Variants in CPNE2 observed in about 807,000 individuals in gnomAD.
CPNE2 encodes copine-2.
A neutral mutation model predicts 69.7 loss-of-function variants in CPNE2; 42 were observed. The ratio of observed to expected loss-of-function variants is 0.60; its 90% CI spans 0.47 to 0.78. CPNE2 has a LOEUF of 0.78. Among genes scored for constraint, CPNE2 ranks in the 30% least tolerant of loss-of-function variants. CPNE2 has a pLI of 0.00. For synonymous variants in CPNE2, 294 were observed against 289.8 expected, an observed-to-expected ratio of 1.01 and a Z score of -0.15; for missense variants, 587 against 732.0, an observed-to-expected ratio of 0.80 and a Z score of 2.29.
chr16:57,134,943 A>G, intron 13 of CPNE2, 117 bp downstream of exon 13: 1 of 1,124,286 alleles, frequency 8.9e-7, no homozygotes, highest in Non-Finnish European at 1.3e-6. Flanking sequence ...CCTCCCCCTT[A>G]CTGTTGCTCA....
chr16:57,096,159 C>A (rs2069577060), intron 1 of CPNE2, among the ~76,000 whole-genome samples: 1 of 152,174 alleles, frequency 6.6e-6, no homozygotes, highest in Non-Finnish European at 1.5e-5. Flanking sequence ...ACGAGCTTGC[C>A]CTCTTGAGTC....
At chr16:57,098,096 G>A (rs1007361658) in intron 1 of CPNE2, among the ~76,000 whole-genome samples, 19 of 152,130 alleles carry the variant, frequency 1.2e-4, no homozygotes, top group Admixed American at 9.8e-4. Context: ...GGGTGGGGGT[G>A]GGGGTGTCCC....
chr16:57,140,370 C>T (rs1440210565), intron 14 of CPNE2, among the ~76,000 whole-genome samples: 1 of 151,948 alleles, frequency 6.6e-6, no homozygotes, highest in Non-Finnish European at 1.5e-5. Flanking sequence ...TAGGGTTCCA[C>T]CATGTTGGCC....
At chr16:57,135,635 G>A (rs1276595146) in intron 13 of CPNE2, among the ~76,000 whole-genome samples, 5 of 151,522 alleles carry the variant, frequency 3.3e-5, no homozygotes, top group East Asian at 2.0e-4. Context: ...CCAGCACTTC[G>A]GAAGGCCAAG....
intron 12 of CPNE2, among the ~76,000 whole-genome samples, chr16:57,128,752 T>G (rs375861712): frequency 1.3e-5 from 2 of 152,218 alleles, no homozygotes; most frequent in Non-Finnish European, 2.9e-5. Flanking sequence ...CCGTCACCCC[T>G]CCATCCTCTC....
At chr16:57,141,856 T>C (rs1171129101) in intron 14 of CPNE2, 1 of 152,258 alleles carries the variant, frequency 6.6e-6, no homozygotes, top group Non-Finnish European at 1.5e-5. Context: ...CCTCTTGAGC[T>C]AGCATTCAGT....
intron 3 of CPNE2, among the ~76,000 whole-genome samples, chr16:57,114,877 C>T (rs1046701545): frequency 1.4e-5 from 2 of 138,342 alleles, no homozygotes; most frequent in East Asian, 2.2e-4. Flanking sequence ...GCGGGAAGAT[C>T]GCTTGAGCCT....
chr16:57,146,469 C>A lies in CPNE2; in HGVS notation c.1539+148C>A. 1.4e-6 allele frequency: 1 copy of A among 728,374 alleles called. No individual in the cohort carries two copies. Among genetic ancestry groups the A allele is most frequent in the Non-Finnish European group, 2.2e-6 (1 of 451,036 alleles). 45.1% of individuals were successfully genotyped at this position (728,374 alleles called of 1,614,324 possible). A position where few individuals can be genotyped will look rare whatever the true frequency, so the allele number is the denominator to read the frequency against. ...TGCTCTTCTGAGGGCCTGCCATGTGCCAGGCGCCGTGCCAGGCCTTGCCCC... is the reference window on the plus strand; with the variant it reads ...TGCTCTTCTGAGGGCCTGCCATGTGACAGGCGCCGTGCCAGGCCTTGCCCC... On this transcript the variant is annotated intron_variant, in intron 15 of 15. Coordinates refer to ENST00000290776, the MANE Select transcript of CPNE2 (RefSeq NM_152727.6). This position sits in a 1 kb window ranked among gnomAD's most constrained non-coding sequence, Gnocchi z 4.4.
rs555945675 is a variant in CPNE2, at chr16:57,146,715, C to A, written c.1539+394C>A. On this transcript the variant is annotated intron_variant, in intron 15 of 15. Coordinates refer to ENST00000290776, the MANE Select transcript of CPNE2 (RefSeq NM_152727.6). This position sits in a 1 kb window ranked among gnomAD's most constrained non-coding sequence, Gnocchi z 4.4. ...CCAGCAAGCCCCCTCATTTTGTAGA[C>A]GGAAAACAAGGCCTCCCAGTCATCT... 5.3e-6 allele frequency: 1 copy of A among 189,084 alleles called. No homozygotes were observed. Among genetic ancestry groups the A allele is most frequent in the Non-Finnish European group, 1.1e-5 (1 of 90,102 alleles). The allele number at this position is 189,084 out of a possible 1,614,324, so 11.7% of individuals were successfully genotyped here.
At chr16:57,103,660 T>A (rs941501148) in intron 1 of CPNE2, among the ~76,000 whole-genome samples, 47 of 152,284 alleles carry the variant, frequency 3.1e-4, no homozygotes, top group African/African-American at 1.1e-3. Flanking sequence ...TGTGCCTGCC[T>A]CTCTCACTGT....
intron 1 of CPNE2, among the ~76,000 whole-genome samples, chr16:57,102,185 C>G (rs1022676829): frequency 6.6e-6 from 1 of 152,030 alleles, no homozygotes; most frequent in African/African-American, 2.4e-5. Flanking sequence ...TTCCTGAGCT[C>G]GAGATCCACC....
rs374498654 is a variant in CPNE2, at chr16:57,121,191, G to A, written c.780G>A (p.Pro260=). 9 of 1,612,980 alleles carry A rather than the reference G, an allele frequency of 5.6e-6. No individual in the cohort carries two copies. Among genetic ancestry groups the A allele is most frequent in the South Asian group, 1.1e-5 (1 of 90,980 alleles). The change falls in exon 8 of 16, where the codon CCG becomes CCA. Residue 260 remains proline (P), a splice_region_variant and synonymous_variant. Coordinates refer to ENST00000290776, the MANE Select transcript of CPNE2 (RefSeq NM_152727.6). ...SQMCEARDSV[P]LEFECINPKK... ...TGTGTGAGGCTCGAGACAGCGTCCC[G>A]GTGAGATGGGCACGTGTACTGTAAC...
intron 10 of CPNE2, chr16:57,125,455 A>T: frequency 4.6e-6 from 2 of 432,798 alleles, no homozygotes; most frequent in Non-Finnish European, 9.4e-6. Context: ...GAGCAGTGGC[A>T]TCTGAGTTGG....
At chr16:57,103,853 GT>G (rs1284845258) in intron 1 of CPNE2, among the ~76,000 whole-genome samples, 3 of 152,194 alleles carry the variant, frequency 2.0e-5, no homozygotes, top group African/African-American at 4.8e-5. Context: ...GCTACCTATT[GT>G]TCCAAGTGCT....
At chr16:57,119,345 A>T (rs1229052196) in intron 6 of CPNE2, 67 bp downstream of exon 6, 26 of 1,520,702 alleles carry the variant, frequency 1.7e-5, no homozygotes, top group Non-Finnish European at 2.2e-5. Context: ...CACAGCTCTG[A>T]AAAAGGGAGG....
intron 7 of CPNE2, 49 bp from the exon 8 acceptor site, chr16:57,121,043 AG>A (rs780847415): frequency 7.0e-7 from 1 of 1,419,636 alleles, no homozygotes; most frequent in African/African-American, 1.4e-5. Context: ...GGGGCTGGAG[AG>A]CACCTCTTGG....
At chr16:57,122,513 A>G (rs779613496) in intron 9 of CPNE2, among the ~76,000 whole-genome samples, 5 of 152,230 alleles carry the variant, frequency 3.3e-5, no homozygotes, top group African/African-American at 4.8e-5. Context: ...TGAAGTTTCC[A>G]TCATTCACAT....
chr16:57,143,392 C>G (rs2069936282), intron 14 of CPNE2: 1 of 152,314 alleles, frequency 6.6e-6, no homozygotes, highest in African/African-American at 2.4e-5. Flanking sequence ...GGGCTGCTAT[C>G]CTGGATATTC....
At chr16:57,094,068 G>T (rs1158590611) in intron 1 of CPNE2, 2 of 456,592 alleles carry the variant, frequency 4.4e-6, no homozygotes, top group Admixed American at 2.3e-5. Flanking sequence ...TGGTTTTATG[G>T]CATTCCGCCT....
Sources: allele counts gnomAD v4.1 joint callset (sites outside exome capture counted in the v4.1 genomes callset), GRCh38; gene constraint gnomAD v4.1.1; non-coding constraint Gnocchi (gnomAD v3.1); transcripts MANE v1.5; gene names NCBI Gene and HGNC (gene_info 2026-07-23, HGNC 2026-07-21).